Variants in HS3ST4 observed in about 807,000 individuals in gnomAD.
The protein encoded by HS3ST4 is heparan sulfate-glucosamine 3-sulfotransferase 4, also known as heparan sulfate glucosamine 3-O-sulfotransferase 4.
In HS3ST4, 17 loss-of-function variants were observed where a neutral mutation model predicts 29.2. That is an observed-to-expected ratio of 0.58 (90% CI 0.40 to 0.87). HS3ST4 has a LOEUF of 0.87. Ranked by LOEUF, HS3ST4 falls within the 40% of genes least tolerant of loss-of-function variation. The pLI is 0.00. For synonymous variants in HS3ST4, 314 were observed against 285.7 expected (o/e 1.10, Z -1.00); for missense variants, 627 against 634.5 (o/e 0.99, Z 0.13).
chr16:26,017,404 T>A (rs1381041564), intron 1 of HS3ST4, among the ~76,000 whole-genome samples: 1 of 152,132 alleles, frequency 6.6e-6, no homozygotes, highest in Non-Finnish European at 1.5e-5. Flanking sequence ...TAGGAGTGTG[T>A]GTTGGTTGAT....
intron 1 of HS3ST4, among the ~76,000 whole-genome samples, chr16:25,751,131 G>A (rs1466548817): frequency 6.6e-6 from 1 of 152,186 alleles, no homozygotes; most frequent in Non-Finnish European, 1.5e-5. Context: ...CTCCTGCTGA[G>A]ACCCATGACC....
At chr16:25,967,955 T>C (rs1968860012) in intron 1 of HS3ST4, among the ~76,000 whole-genome samples, 1 of 152,128 alleles carries the variant, frequency 6.6e-6, no homozygotes, top group Non-Finnish European at 1.5e-5. Flanking sequence ...TCATTCTCAT[T>C]AGATGGGATA....
chr16:25,860,461 G>GCC (rs1376819120), intron 1 of HS3ST4, among the ~76,000 whole-genome samples: 1 of 152,140 alleles, frequency 6.6e-6, no homozygotes, highest in African/African-American at 2.4e-5. Flanking sequence ...CAACCAGTAT[G>GCC]CCCTTCAGTA....
chr16:25,828,636 T>C (rs1191851769), intron 1 of HS3ST4, among the ~76,000 whole-genome samples: 1 of 152,080 alleles, frequency 6.6e-6, no homozygotes, highest in Admixed American at 6.6e-5. Flanking sequence ...CTACTGTGCC[T>C]GGCCCCCGAT....
intron 1 of HS3ST4, among the ~76,000 whole-genome samples, chr16:25,808,976 C>G (rs1967015996): frequency 6.6e-6 from 1 of 152,112 alleles, no homozygotes; most frequent in Non-Finnish European, 1.5e-5. Context: ...TTGGTGGACA[C>G]ACTTACTAGT....
intron 1 of HS3ST4, among the ~76,000 whole-genome samples, chr16:25,940,971 C>T (rs1968566233): frequency 6.6e-6 from 1 of 152,132 alleles, no homozygotes; most frequent in Admixed American, 6.5e-5. Flanking sequence ...GCTGTTTGTC[C>T]TTGCTGTCCT....
At chr16:25,999,834 T>A (rs7501154) in intron 1 of HS3ST4, among the ~76,000 whole-genome samples, 9 of 108,222 alleles carry the variant, frequency 8.3e-5, no homozygotes, top group African/African-American at 2.6e-4. Context: ...ATTTATATAT[T>A]ATATATATTT....
At chr16:26,103,543 C>CA (rs1341988588) in intron 1 of HS3ST4, among the ~76,000 whole-genome samples, 1 of 152,144 alleles carries the variant, frequency 6.6e-6, no homozygotes, top group Non-Finnish European at 1.5e-5. Context: ...CTTGTCCACC[C>CA]ACCCTACTCC....
At chr16:26,081,403 C>T (rs1898722501) in intron 1 of HS3ST4, among the ~76,000 whole-genome samples, 1 of 152,094 alleles carries the variant, frequency 6.6e-6, no homozygotes, top group African/African-American at 2.4e-5. Context: ...GTAATTCACT[C>T]AACAGATATT....
At chr16:25,757,453 C>T (rs973906487) in intron 1 of HS3ST4, among the ~76,000 whole-genome samples, 40 of 151,842 alleles carry the variant, frequency 2.6e-4, no homozygotes, top group Admixed American at 4.6e-4. Flanking sequence ...TTGTGGCAAC[C>T]CTGCATTGAG....
intron 1 of HS3ST4, among the ~76,000 whole-genome samples, chr16:25,998,024 C>T (rs1472708963): frequency 6.6e-6 from 1 of 152,078 alleles, no homozygotes; most frequent in African/African-American, 2.4e-5. Flanking sequence ...TCCATTGAGG[C>T]CAGGAGTTCC....
intron 1 of HS3ST4, among the ~76,000 whole-genome samples, chr16:26,091,181 G>A (rs1056542169): frequency 1.1e-4 from 17 of 152,104 alleles, no homozygotes; most frequent in African/African-American, 4.1e-4. Context: ...ATAATGAACC[G>A]ATCCCTAATA....
chr16:25,717,917 A>G (rs1485230493), intron 1 of HS3ST4, among the ~76,000 whole-genome samples: 1 of 152,108 alleles, frequency 6.6e-6, no homozygotes, highest in African/African-American at 2.4e-5. Flanking sequence ...GGTGGCTTAG[A>G]CTAGGGAGAT....
At chr16:25,724,273 G>C (rs563267432) in intron 1 of HS3ST4, among the ~76,000 whole-genome samples, 1 of 152,226 alleles carries the variant, frequency 6.6e-6, no homozygotes, top group Admixed American at 6.5e-5. Flanking sequence ...TCAATGCTGA[G>C]CAATTTCAGC....
At chr16:25,902,508 A>G (rs1274301777) in intron 1 of HS3ST4, among the ~76,000 whole-genome samples, 1 of 152,020 alleles carries the variant, frequency 6.6e-6, no homozygotes, top group Non-Finnish European at 1.5e-5. Context: ...ATAAAAAAAG[A>G]TGAAACCATA....
At chr16:25,829,718 A>T (rs1967274063) in intron 1 of HS3ST4, among the ~76,000 whole-genome samples, 2 of 151,868 alleles carry the variant, frequency 1.3e-5, no homozygotes, top group South Asian at 4.2e-4. Flanking sequence ...GATGGCTTCC[A>T]GTTTCATCCA....
chr16:26,018,307 C>T (rs4238935), intron 1 of HS3ST4, among the ~76,000 whole-genome samples: 77,366 of 152,022 alleles, frequency 0.51, 20,771 homozygotes, highest in South Asian at 0.7. Context: ...GGGTTTATAT[C>T]TTGTCAACAG....
intron 1 of HS3ST4, among the ~76,000 whole-genome samples, chr16:25,982,842 G>GA (rs1969022438): frequency 6.6e-6 from 1 of 152,008 alleles, no homozygotes; most frequent in Non-Finnish European, 1.5e-5. Flanking sequence ...ACAACAGAAA[G>GA]AAAAAAATCT....
chr16:25,935,850 TA>T (rs902471740), intron 1 of HS3ST4, among the ~76,000 whole-genome samples: 2 of 151,928 alleles, frequency 1.3e-5, no homozygotes, highest in African/African-American at 4.8e-5. Context: ...TCTCCCACGT[TA>T]AAAAAAAGTC....
Sources: gnomAD v4.1 joint callset for allele counts (sites outside exome capture counted in the v4.1 genomes callset) on GRCh38, gnomAD v4.1.1 for gene constraint, MANE v1.5 for transcripts, NCBI Gene and HGNC (gene_info 2026-07-23, HGNC 2026-07-21) for gene names.